CTTNBP2: variants seen among roughly 807,000 people sequenced by gnomAD.
CTTNBP2 encodes cortactin-binding protein 2.
In CTTNBP2, 108 loss-of-function variants were observed where a neutral mutation model predicts 156.9. The ratio of observed to expected loss-of-function variants is 0.69; its 90% confidence interval spans 0.59 to 0.81. The LOEUF (loss-of-function observed/expected upper bound fraction) is 0.81. Among genes scored for constraint, CTTNBP2 ranks in the 30% least tolerant of loss-of-function variants. The probability of loss-of-function intolerance (pLI) is 0.00; values close to 1 mark genes in which losing one functional copy is unlikely to be tolerated. For synonymous variants in CTTNBP2, 767 were observed against 751.8 expected, an observed-to-expected ratio of 1.02 and a Z score of -0.33; for missense variants, 1,924 against 2,035.4, an observed-to-expected ratio of 0.95 and a Z score of 1.05.
At chr7:117,759,880 T>C (rs35842014) in intron 10 of CTTNBP2, among the ~76,000 whole-genome samples, 2,907 of 152,348 alleles carry the variant, frequency 0.019, 80 homozygotes, top group African/African-American at 0.065. Context: ...GAACTTACTA[T>C]GCTCAGCAGA....
intron 2 of CTTNBP2, among the ~76,000 whole-genome samples, chr7:117,836,539 G>A (rs1398217172): frequency 1.3e-5 from 2 of 152,296 alleles, no homozygotes; most frequent in East Asian, 1.9e-4. Context: ...CTCCAGCCTG[G>A]GCGACAGAGC....
At chr7:117,779,003 G>A (rs1798258531) in intron 7 of CTTNBP2, among the ~76,000 whole-genome samples, 1 of 152,152 alleles carries the variant, frequency 6.6e-6, no homozygotes, top group African/African-American at 2.4e-5. Context: ...CTGACCATTT[G>A]CTAAAGCTGT....
At position 117,718,079 on chromosome 7, in the gene CTTNBP2, G is replaced by A; in HGVS notation, c.4685C>T (p.Ser1562Phe). 4 of 1,613,340 alleles carry A rather than the reference G, an allele frequency of 2.5e-6. No homozygotes were observed. Among genetic ancestry groups the A allele is most frequent in the Non-Finnish European group, 3.4e-6 (4 of 1,179,396 alleles). ...TGCTGAAAGTACAGGGTTGTTTCCAGAACTATCAAACATCCTTAAATCATC... is the reference window on the plus strand; with the variant it reads ...TGCTGAAAGTACAGGGTTGTTTCCAAAACTATCAAACATCCTTAAATCATC... ...SRDDLRMFDS[S>F]GNNPVLSATI... Residue 1562 changes from serine to phenylalanine, a missense_variant, in exon 22 of 23, where the codon TCT becomes TTT. Ser to Phe is a radical substitution (Grantham distance 155). Transcript: ENST00000160373.
At chr7:117,798,250 TA>T (rs1799430691) in intron 3 of CTTNBP2, among the ~76,000 whole-genome samples, 1 of 152,108 alleles carries the variant, frequency 6.6e-6, no homozygotes, top group South Asian at 2.1e-4. Flanking sequence ...GAAAACACTA[TA>T]AAAATCACCT....
intron 19 of CTTNBP2, among the ~76,000 whole-genome samples, chr7:117,723,799 C>T (rs1166282620): frequency 1.3e-5 from 2 of 149,678 alleles, no homozygotes; most frequent in African/African-American, 5.0e-5. Flanking sequence ...GTCACTCAGC[C>T]TGGAGTGCAG....
At chr7:117,772,982 T>C (rs969641873) in intron 8 of CTTNBP2, among the ~76,000 whole-genome samples, 1 of 152,008 alleles carries the variant, frequency 6.6e-6, no homozygotes, top group Non-Finnish European at 1.5e-5. Context: ...GGAATGAGTA[T>C]AAAAAGGCAT....
intron 3 of CTTNBP2, among the ~76,000 whole-genome samples, chr7:117,795,713 T>C (rs900917324): frequency 6.6e-6 from 1 of 152,186 alleles, no homozygotes; most frequent in African/African-American, 2.4e-5. Context: ...CAAATATTTA[T>C]AGAGAAAACT....
intron 2 of CTTNBP2, among the ~76,000 whole-genome samples, chr7:117,837,335 T>C (rs1008288839): frequency 1.3e-5 from 2 of 152,180 alleles, no homozygotes; most frequent in African/African-American, 2.4e-5. Context: ...ACACTTTTAC[T>C]ACTTTTCTCA....
At chr7:117,759,726 G>A (rs1187141160) in intron 10 of CTTNBP2, among the ~76,000 whole-genome samples, 7 of 152,222 alleles carry the variant, frequency 4.6e-5, no homozygotes, top group Admixed American at 2.6e-4. Context: ...CATCTTGTAC[G>A]GAGTTATCTG....
intron 3 of CTTNBP2, among the ~76,000 whole-genome samples, chr7:117,795,703 CAAATATTTAT>C (rs1260158458): frequency 1.3e-5 from 2 of 152,156 alleles, no homozygotes; most frequent in African/African-American, 4.8e-5. Flanking sequence ...CAGCTAATCT[CAAATATTTAT>C]AGAGAAAACT....
chr7:117,715,878 A>G (rs1168338921), intron 22 of CTTNBP2: 1 of 152,230 alleles, frequency 6.6e-6, no homozygotes, highest in Non-Finnish European at 1.5e-5. Context: ...ACTTCCTGAT[A>G]ACAGAAGAAA....
chr7:117,810,807 C>T lies in CTTNBP2; in HGVS notation c.372G>A (p.Arg124=). 1.2e-6 allele frequency: 2 copies of T among 1,613,882 alleles called. No homozygotes were observed. The highest frequency in any genetic ancestry group is 1.7e-6 in the Non-Finnish European group (2 of 1,179,992). ...VMAHCKKMQE[R]MSAQLAAAES... ...CAGCAGCAGCCAGCTGTGCGGACAT[C>T]CTTTCTTGCATTTTCTTGCAGTGGG... The change falls in exon 3 of 23, where the codon AGG becomes AGA. Residue 124 remains arginine (R), a synonymous_variant. Transcript: ENST00000160373.
intron 8 of CTTNBP2, 102 bp downstream of exon 8, chr7:117,777,409 A>G (rs940274921): frequency 1.8e-6 from 2 of 1,141,814 alleles, no homozygotes; most frequent in Non-Finnish European, 2.5e-6. Flanking sequence ...TGTATCACTC[A>G]GTCTCCAATT....
In CTTNBP2 at chr7:117,818,283, TA is replaced by T. The variant is rs1019288826; in HGVS notation, c.190-7295del. Among the ~76,000 whole-genome samples the T allele has an allele frequency of 7.3e-5, 11 of 151,680 alleles. No individual in the cohort carries two copies. The South Asian group carries it at 1.7e-3, about 23-fold the overall frequency. On this transcript the variant is annotated intron_variant, in intron 2 of 22. Coordinates refer to ENST00000160373, the MANE Select transcript of CTTNBP2 (RefSeq NM_033427.3). ...CAAACCACTGGTTACCTAAGAATAA[TA>T]AAAAAAAACCAAAAACCAGCATTAA...
At chr7:117,861,875 A>G (rs149333749) in intron 1 of CTTNBP2, among the ~76,000 whole-genome samples, 4 of 152,232 alleles carry the variant, frequency 2.6e-5, no homozygotes, top group Non-Finnish European at 5.9e-5. Context: ...TTTAGCCAAC[A>G]TTAAAAAAAA....
chr7:117,779,573 G>A (rs999371976), intron 7 of CTTNBP2, among the ~76,000 whole-genome samples: 1 of 151,884 alleles, frequency 6.6e-6, no homozygotes, highest in Non-Finnish European at 1.5e-5. Flanking sequence ...TACTGAATGT[G>A]TGTAACACCA....
chr7:117,766,997 T>C (rs1797518226), intron 9 of CTTNBP2, 62 bp downstream of exon 9: 1 of 935,326 alleles, frequency 1.1e-6, no homozygotes, highest in Admixed American at 1.8e-5. Context: ...GTTTTTCCCA[T>C]TGTACCAGAG....
chr7:117,818,038 C>T (rs756822772), intron 2 of CTTNBP2, among the ~76,000 whole-genome samples: 1 of 152,100 alleles, frequency 6.6e-6, no homozygotes, highest in Admixed American at 6.5e-5. Context: ...GTTTACAACA[C>T]TTTTTAAATC....
chr7:117,805,947 A>C (rs1407791438), intron 3 of CTTNBP2, among the ~76,000 whole-genome samples: 1 of 152,224 alleles, frequency 6.6e-6, no homozygotes, highest in African/African-American at 2.4e-5. Context: ...TTGTAGGACT[A>C]CACAAATTTT....
Sources: gnomAD v4.1 joint callset for allele counts (sites outside exome capture counted in the v4.1 genomes callset) on GRCh38, gnomAD v4.1.1 for gene constraint, MANE v1.5 for transcripts, NCBI Gene and HGNC (gene_info 2026-07-23, HGNC 2026-07-21) for gene names.